Variants in KLHL8 observed in about 807,000 individuals in gnomAD.
The protein encoded by KLHL8 is kelch-like protein 8.
Under a neutral mutation model 63.5 loss-of-function variants are expected in KLHL8, and 38 were observed. The observed-to-expected ratio is 0.60, with a 90% CI of 0.46 to 0.78. The LOEUF is 0.78. Ranked by LOEUF, KLHL8 falls within the 30% of genes least tolerant of loss-of-function variation. The pLI, the probability that KLHL8 is intolerant of heterozygous loss-of-function variation, is 0.00. For missense variants in KLHL8, 566 were observed against 752.4 expected (o/e 0.75, Z 2.90); for synonymous variants, 224 against 254.3 (o/e 0.88, Z 1.13).
At chr4:87,167,562 GGCTGTTA>G in intron 8 of KLHL8, 1 of 533,524 alleles carries the variant, frequency 1.9e-6, no homozygotes, top group Non-Finnish European at 3.8e-6. Flanking sequence ...TCTGCTCTGG[GGCTGTTA>G]TGCTAAGAAG....
chr4:87,168,787 T>G (rs1730518651), intron 8 of KLHL8, among the ~76,000 whole-genome samples: 1 of 79,534 alleles, frequency 1.3e-5, no homozygotes, highest in Admixed American at 1.7e-4. Flanking sequence ...TATATATACG[T>G]ATATATACAC....
chr4:87,201,136 A>T (rs1209391479), intron 1 of KLHL8, among the ~76,000 whole-genome samples: 1 of 152,210 alleles, frequency 6.6e-6, no homozygotes, highest in East Asian at 1.9e-4. Flanking sequence ...GGTGGAAAGA[A>T]GATGTTCAAT....
At chr4:87,194,773 T>C (rs187780290) in intron 2 of KLHL8, among the ~76,000 whole-genome samples, 1 of 152,342 alleles carries the variant, frequency 6.6e-6, no homozygotes, top group Admixed American at 6.5e-5. Context: ...ATGAGCAAAG[T>C]TCACTGAGGA....
intron 6 of KLHL8, among the ~76,000 whole-genome samples, chr4:87,171,611 T>C (rs1476882451): frequency 6.6e-6 from 1 of 152,226 alleles, no homozygotes; most frequent in Admixed American, 6.5e-5. Context: ...GTAACGATGT[T>C]AGGTCAGGGA....
chr4:87,200,718 G>C (rs1024907399), intron 1 of KLHL8, among the ~76,000 whole-genome samples: 1 of 152,104 alleles, frequency 6.6e-6, no homozygotes, highest in South Asian at 2.1e-4. Context: ...AGCTGCTATG[G>C]AAACAGTATG....
intron 3 of KLHL8, among the ~76,000 whole-genome samples, chr4:87,183,660 C>T (rs1240510488): frequency 1.3e-5 from 2 of 152,134 alleles, no homozygotes; most frequent in African/African-American, 2.4e-5. Flanking sequence ...CTTTAAATAT[C>T]GGTTTAAATA....
At chr4:87,167,278 C>T (rs1055966611) in intron 8 of KLHL8, 7 of 468,194 alleles carry the variant, frequency 1.5e-5, no homozygotes, top group Non-Finnish European at 2.5e-5. Flanking sequence ...TATTAGAGAC[C>T]GAATCAAGTT....
intron 1 of KLHL8, among the ~76,000 whole-genome samples, chr4:87,232,807 TTAATA>T (rs1296001724): frequency 6.6e-6 from 1 of 152,234 alleles, no homozygotes; most frequent in African/African-American, 2.4e-5. Context: ...TTTAATATGT[TTAATA>T]TATTTATTAC....
intron 2 of KLHL8, among the ~76,000 whole-genome samples, chr4:87,191,730 AAC>A (rs926364073): frequency 3.3e-5 from 5 of 152,010 alleles, no homozygotes; most frequent in African/African-American, 1.2e-4. Context: ...ACATAAAATA[AAC>A]AGTTTATTTC....
chr4:87,178,421 A>C, intron 5 of KLHL8, 56 bp downstream of exon 5: 1 of 1,484,922 alleles, frequency 6.7e-7, no homozygotes, highest in Non-Finnish European at 9.0e-7. Context: ...TCAGAGTTGA[A>C]ATATTTTAAA....
intron 2 of KLHL8, 112 bp downstream of exon 2, chr4:87,195,212 G>A: frequency 1.4e-6 from 1 of 715,690 alleles, no homozygotes; most frequent in Non-Finnish European, 2.3e-6. Context: ...AAAGCATTCT[G>A]ACTGTATCAA....
intron 1 of KLHL8, among the ~76,000 whole-genome samples, chr4:87,234,634 G>T (rs1181204211): frequency 6.6e-6 from 1 of 152,152 alleles, no homozygotes; most frequent in Non-Finnish European, 1.5e-5. Context: ...TACTTGATAA[G>T]AAATGACTAT....
At chr4:87,164,300 T>C (rs1339625832) in intron 8 of KLHL8, among the ~76,000 whole-genome samples, 1 of 151,948 alleles carries the variant, frequency 6.6e-6, no homozygotes, top group Non-Finnish European at 1.5e-5. Context: ...TTTTCCTCAA[T>C]ACTAGGATTA....
At position 87,168,748 on chromosome 4, in the gene KLHL8, G is replaced by GTA. The variant is rs1053737205; in HGVS notation, c.1537+1329_1537+1330dup. Among the ~76,000 whole-genome samples, 149 of 144,418 alleles carry GTA rather than the reference G, an allele frequency of 1.0e-3. 1 individual carries two copies. The highest frequency in any genetic ancestry group is 2.9e-3 in the African/African-American group (111 of 38,580). The allele number at this position is 144,418 out of a possible 152,430, so 94.7% of individuals were successfully genotyped here. ...TATATATATGTGTGTATATATACGT[G>GTA]TATATATGTGTGTGTATATATATGT... On this transcript the variant is annotated intron_variant, in intron 8 of 9. Transcript: ENST00000273963.
At chr4:87,182,300 T>C (rs747224815) in intron 4 of KLHL8, among the ~76,000 whole-genome samples, 48 of 152,038 alleles carry the variant, frequency 3.2e-4, no homozygotes, top group Non-Finnish European at 6.3e-4. Flanking sequence ...TAGTTTCATG[T>C]TAAACTAATT....
chr4:87,224,668 C>T (rs1732941590), upstream of KLHL8, among the ~76,000 whole-genome samples: 1 of 152,142 alleles, frequency 6.6e-6, no homozygotes, highest in Non-Finnish European at 1.5e-5. Context: ...TCCTACAAAA[C>T]CAGCCTTTAC....
At chr4:87,207,130 A>G (rs1279977513) in intron 1 of KLHL8, 5 of 543,274 alleles carry the variant, frequency 9.2e-6, no homozygotes, top group Non-Finnish European at 1.8e-5. Context: ...GTCGTATTGG[A>G]TGCCTGGTCA....
intron 8 of KLHL8, among the ~76,000 whole-genome samples, chr4:87,165,237 T>C (rs1448269577): frequency 1.3e-5 from 2 of 149,920 alleles, no homozygotes; most frequent in Non-Finnish European, 3.0e-5. Context: ...TCAATTAAAA[T>C]GAAATTCACC....
At chr4:87,167,338 G>T in intron 8 of KLHL8, 1 of 438,388 alleles carries the variant, frequency 2.3e-6, no homozygotes. Context: ...GCCTGGTTTG[G>T]AAAACATTTA....
Sources: allele counts gnomAD v4.1 joint callset (sites outside exome capture counted in the v4.1 genomes callset), GRCh38; gene constraint gnomAD v4.1.1; transcripts MANE v1.5; gene names NCBI Gene and HGNC (gene_info 2026-07-23, HGNC 2026-07-21).